EXOC6B: variants seen among roughly 807,000 people sequenced by gnomAD.
EXOC6B encodes the protein exocyst complex component 6B.
A neutral mutation model predicts 113.5 loss-of-function variants in EXOC6B; 54 were observed. That is an observed-to-expected ratio of 0.48 (90% CI 0.38 to 0.60). EXOC6B has a LOEUF of 0.60. Among genes scored for constraint, EXOC6B ranks in the 20% least tolerant of loss-of-function variants. The pLI is 0.00. For missense variants in EXOC6B, 797 were observed against 977.5 expected, an observed-to-expected ratio of 0.82 and a Z score of 2.46; for synonymous variants, 357 against 339.0, an observed-to-expected ratio of 1.05 and a Z score of -0.58.
intron 16 of EXOC6B, among the ~76,000 whole-genome samples, chr2:72,487,727 A>G (rs750202457): frequency 1.3e-5 from 2 of 152,130 alleles, no homozygotes; most frequent in African/African-American, 2.4e-5. Context: ...TTGTTTGTTT[A>G]ATGTTTTCCC....
chr2:72,388,436 A>C (rs1382603376), intron 18 of EXOC6B, among the ~76,000 whole-genome samples: 1 of 151,970 alleles, frequency 6.6e-6, no homozygotes, highest in Non-Finnish European at 1.5e-5. Flanking sequence ...ACTCCTTTTG[A>C]ATTTACTGAC....
chr2:72,218,360 T>C (rs1680662827), intron 20 of EXOC6B, among the ~76,000 whole-genome samples: 1 of 152,220 alleles, frequency 6.6e-6, no homozygotes, highest in Non-Finnish European at 1.5e-5. Context: ...TTTGATCCTG[T>C]CTTAATTTCT....
intron 8 of EXOC6B, among the ~76,000 whole-genome samples, chr2:72,527,221 T>A (rs1701786093): frequency 1.3e-5 from 2 of 152,030 alleles, no homozygotes. Flanking sequence ...ATTTATTCAT[T>A]GAGTTGCAAA....
intron 6 of EXOC6B, among the ~76,000 whole-genome samples, chr2:72,591,996 T>C (rs187216956): frequency 7.4e-4 from 113 of 152,094 alleles, no homozygotes; most frequent in African/African-American, 1.5e-3. Flanking sequence ...TTCTTAATAT[T>C]ATGTTGTTTT....
intron 6 of EXOC6B, among the ~76,000 whole-genome samples, chr2:72,667,974 C>T (rs974436497): frequency 6.6e-6 from 1 of 152,138 alleles, no homozygotes; most frequent in Admixed American, 6.5e-5. Flanking sequence ...ATGCATCCAA[C>T]AAAGGTCTAA....
chr2:72,725,981 T>C (rs1410389818), intron 5 of EXOC6B, among the ~76,000 whole-genome samples: 1 of 152,150 alleles, frequency 6.6e-6, no homozygotes, highest in Non-Finnish European at 1.5e-5. Flanking sequence ...ATAACCTAAA[T>C]GTCCATCAAC....
At chr2:72,663,059 A>G (rs1170614199) in intron 6 of EXOC6B, among the ~76,000 whole-genome samples, 1 of 152,140 alleles carries the variant, frequency 6.6e-6, no homozygotes, top group Non-Finnish European at 1.5e-5. Flanking sequence ...CTACCCTAAG[A>G]CCCAGCGATC....
At position 72,179,026 on chromosome 2, in the gene EXOC6B, A is replaced by G; in HGVS notation, c.*309T>C. On this transcript the variant is annotated 3_prime_UTR_variant, in exon 22 of 22. Transcript: ENST00000272427. ...TTTATGGTTCCTAAGCCCCAGACCTAAGCTTTAGAGCCATGGATGAAAGGT... is the reference window on the plus strand; with the variant it reads ...TTTATGGTTCCTAAGCCCCAGACCTGAGCTTTAGAGCCATGGATGAAAGGT... 1 of 263,302 alleles carries G rather than the reference A, an allele frequency of 3.8e-6. No homozygotes were observed. The highest frequency in any genetic ancestry group is 7.1e-6 in the Non-Finnish European group (1 of 140,158). The allele number at this position is 263,302 out of a possible 1,614,324, so 16.3% of individuals were successfully genotyped here.
At chr2:72,285,162 A>G (rs978855230) in intron 20 of EXOC6B, among the ~76,000 whole-genome samples, 4 of 152,146 alleles carry the variant, frequency 2.6e-5, no homozygotes, top group Admixed American at 6.5e-5. Context: ...CAGAATAGCC[A>G]ACACAATATC....
intron 20 of EXOC6B, among the ~76,000 whole-genome samples, chr2:72,235,413 G>C (rs2104483606): frequency 6.6e-6 from 1 of 152,260 alleles, no homozygotes; most frequent in South Asian, 2.1e-4. Context: ...TGAAGGTGGA[G>C]GCTGGAAAGA....
At chr2:72,423,317 G>A (rs1695017398) in intron 18 of EXOC6B, among the ~76,000 whole-genome samples, 1 of 152,124 alleles carries the variant, frequency 6.6e-6, no homozygotes, top group Non-Finnish European at 1.5e-5. Context: ...CTTAAGAGCT[G>A]TAACACTCAC....
intron 6 of EXOC6B, among the ~76,000 whole-genome samples, chr2:72,672,571 G>T (rs1226239740): frequency 6.8e-6 from 1 of 147,818 alleles, no homozygotes; most frequent in Admixed American, 6.7e-5. Flanking sequence ...AAAAGAAAAA[G>T]AAAAAGAAAA....
chr2:72,498,606 G>GTTTT, intron 12 of EXOC6B, 55 bp from the exon 13 acceptor site: 33 of 843,606 alleles, frequency 3.9e-5, no homozygotes, highest in African/African-American at 1.1e-4. Flanking sequence ...TTTTTTTTCG[G>GTTTT]TTTTTTTTTT....
chr2:72,495,659 C>A, intron 14 of EXOC6B, 120 bp from the exon 15 acceptor site: 1 of 607,942 alleles, frequency 1.6e-6, no homozygotes, highest in Non-Finnish European at 2.9e-6. Flanking sequence ...CCTTAACAAA[C>A]TCAAATATAA....
At chr2:72,276,601 C>A (rs1434532646) in intron 20 of EXOC6B, among the ~76,000 whole-genome samples, 1 of 152,130 alleles carries the variant, frequency 6.6e-6, no homozygotes, top group African/African-American at 2.4e-5. Flanking sequence ...CTCAGGAATG[C>A]TTTCTGCTTA....
intron 20 of EXOC6B, among the ~76,000 whole-genome samples, chr2:72,282,045 G>C (rs1258510038): frequency 6.6e-6 from 1 of 152,052 alleles, no homozygotes; most frequent in South Asian, 2.1e-4. Flanking sequence ...CAAGGAAAAT[G>C]TTCTTCAATA....
intron 8 of EXOC6B, among the ~76,000 whole-genome samples, chr2:72,517,119 G>A (rs1444760779): frequency 1.3e-5 from 2 of 152,172 alleles, no homozygotes; most frequent in East Asian, 3.9e-4. Context: ...AGGCAGGATA[G>A]TAAATATATG....
rs564794315 is a variant in EXOC6B, at chr2:72,764,002, C to T, written c.114-22533G>A. ...GCTGTGGTGGGAGGATCACTTGAGC[C>T]CAGGAGGTCAAGGCTCCAGTGAGCT... is the stretch of plus-strand genomic sequence containing the variant. On this transcript the variant is annotated intron_variant, in intron 1 of 21. Coordinates refer to ENST00000272427, the MANE Select transcript of EXOC6B (RefSeq NM_015189.3). Among the ~76,000 whole-genome samples, 4 of 152,026 alleles carry T rather than the reference C, an allele frequency of 2.6e-5. No homozygotes were observed. The East Asian group carries it at 7.8e-4, about 30-fold the overall frequency.
intron 20 of EXOC6B, among the ~76,000 whole-genome samples, chr2:72,205,478 T>C (rs991434603): frequency 6.6e-6 from 1 of 152,116 alleles, no homozygotes; most frequent in Non-Finnish European, 1.5e-5. Flanking sequence ...GAGACCTCTA[T>C]AACCAGAAAA....
Sources: allele counts gnomAD v4.1 joint callset (sites outside exome capture counted in the v4.1 genomes callset), GRCh38; gene constraint gnomAD v4.1.1; transcripts MANE v1.5; gene names NCBI Gene and HGNC (gene_info 2026-07-23, HGNC 2026-07-21).